MROH9: variants seen among roughly 807,000 people sequenced by gnomAD.
The protein encoded by MROH9 is maestro heat-like repeat-containing protein family member 9.
A neutral mutation model predicts 98.2 loss-of-function variants in MROH9; 92 were observed. The observed-to-expected ratio is 0.94, with a 90% confidence interval of 0.79 to 1.11. The LOEUF (loss-of-function observed/expected upper bound fraction) is 1.11, where lower values mean the gene tolerates loss of function less well. MROH9 is among the 50% of genes most tolerant of loss of function. The probability of loss-of-function intolerance (pLI) is 0.00; values close to 1 mark genes in which losing one functional copy is unlikely to be tolerated. For missense variants in MROH9, 1,057 were observed against 1,014.8 expected (o/e 1.04, Z -0.57); for synonymous variants, 397 against 368.9 (o/e 1.08, Z -0.87).
intron 17 of MROH9, among the ~76,000 whole-genome samples, chr1:171,023,984 A>G (rs972244613): frequency 6.6e-6 from 1 of 151,206 alleles, no homozygotes; most frequent in African/African-American, 2.4e-5. Context: ...TATTCCACAT[A>G]TAAGTGAGAT....
intron 20 of MROH9, among the ~76,000 whole-genome samples, chr1:171,049,814 A>G (rs1287616061): frequency 1.3e-5 from 2 of 151,890 alleles, no homozygotes; most frequent in Non-Finnish European, 2.9e-5. Context: ...CTAAGTAGCT[A>G]GGACTATAGG....
intron 1 of MROH9, among the ~76,000 whole-genome samples, chr1:170,944,879 G>T (rs1374550699): frequency 6.6e-6 from 1 of 152,004 alleles, no homozygotes. Context: ...ATGAAGATCT[G>T]AATATGATGT....
intron 1 of MROH9, among the ~76,000 whole-genome samples, chr1:170,943,414 G>A (rs1452599614): frequency 6.6e-6 from 1 of 151,802 alleles, no homozygotes; most frequent in African/African-American, 2.4e-5. Context: ...TAAAATATAA[G>A]CATAACTGAT....
intron 13 of MROH9, among the ~76,000 whole-genome samples, chr1:170,995,776 T>C (rs1651545322): frequency 1.3e-5 from 2 of 152,130 alleles, no homozygotes; most frequent in Non-Finnish European, 1.5e-5. Context: ...AGAACTCTGT[T>C]GATTCCTACC....
chr1:170,962,212 C>A (rs1650040523), intron 6 of MROH9, among the ~76,000 whole-genome samples: 1 of 152,088 alleles, frequency 6.6e-6, no homozygotes, highest in Non-Finnish European at 1.5e-5. Context: ...GAAACCAGGT[C>A]TCATGTGGTG....
At chr1:170,991,487 A>T (rs754437171) in intron 11 of MROH9, among the ~76,000 whole-genome samples, 1 of 152,164 alleles carries the variant, frequency 6.6e-6, no homozygotes, top group Non-Finnish European at 1.5e-5. Context: ...GTCAGAACCC[A>T]GTATGAATTG....
intron 6 of MROH9, among the ~76,000 whole-genome samples, chr1:170,962,939 CACCAAAAGCAGTTGCAAATGGG>C (rs1650074336): frequency 6.6e-6 from 1 of 151,894 alleles, no homozygotes; most frequent in Non-Finnish European, 1.5e-5. Context: ...GTGAAAAAGA[CACCAAAAGCAGTTGCAAATGGG>C]ACCAAAAGCA....
chr1:170,960,504 T>A (rs1649977499), intron 5 of MROH9, among the ~76,000 whole-genome samples: 1 of 152,244 alleles, frequency 6.6e-6, no homozygotes, highest in African/African-American at 2.4e-5. Flanking sequence ...TATCAGCTAC[T>A]CACACATGGA....
At chr1:170,952,485 C>T (rs897038599) in intron 3 of MROH9, among the ~76,000 whole-genome samples, 5 of 151,464 alleles carry the variant, frequency 3.3e-5, no homozygotes, top group Non-Finnish European at 7.4e-5. Context: ...TCATTCTCAG[C>T]AAACTATCGC....
At chr1:171,039,807 G>A (rs1051363326) in intron 20 of MROH9, among the ~76,000 whole-genome samples, 9 of 152,090 alleles carry the variant, frequency 5.9e-5, no homozygotes, top group Non-Finnish European at 1.0e-4. Flanking sequence ...CACTAATAAA[G>A]GACGTCCCAC....
Position 171,016,336 on chromosome 1 carries a change from T to C in MROH9, c.1908T>C (p.His636=), listed in dbSNP as rs1463319163. The C allele has an allele frequency of 1.3e-6, 2 of 1,495,444 alleles. No individual in the cohort carries two copies. The highest frequency in any genetic ancestry group is 1.4e-5 in the South Asian group (1 of 73,754). 92.6% of individuals were successfully genotyped at this position (1,495,444 alleles called of 1,614,324 possible). ...CCAGCTACTGTACTCTGATGGATCATGTGAGTTACACAGTTAGATATGTGA... is the reference window on the plus strand; with the variant it reads ...CCAGCTACTGTACTCTGATGGATCACGTGAGTTACACAGTTAGATATGTGA... The part of the protein sequence containing the change: ...IGSSYCTLMD[H]INGGIRSMAI... The change falls in exon 17 of 22, where the codon CAT becomes CAC. Residue 636 remains histidine, a splice_region_variant and synonymous_variant. Coordinates refer to ENST00000367759, the MANE Select transcript of MROH9 (RefSeq NM_001163629.2).
At chr1:170,938,911 T>C (rs1451385144) in intron 1 of MROH9, among the ~76,000 whole-genome samples, 3 of 152,218 alleles carry the variant, frequency 2.0e-5, no homozygotes, top group Admixed American at 6.5e-5. Context: ...AGGTTGTCCT[T>C]GACAAATAAA....
chr1:171,057,692 G>GA (rs1653889501), intron 20 of MROH9, among the ~76,000 whole-genome samples: 2 of 152,046 alleles, frequency 1.3e-5, no homozygotes, highest in African/African-American at 4.8e-5. Flanking sequence ...CAAAATAAGG[G>GA]AAAAAATGTT....
At chr1:171,039,439 C>T (rs1338272388) in intron 20 of MROH9, among the ~76,000 whole-genome samples, 1 of 152,140 alleles carries the variant, frequency 6.6e-6, no homozygotes, top group Non-Finnish European at 1.5e-5. Flanking sequence ...CATATCAGCT[C>T]CAAAATGTTT....
intron 17 of MROH9, among the ~76,000 whole-genome samples, chr1:171,023,744 TTG>T (rs1400929080): frequency 6.6e-6 from 1 of 152,162 alleles, no homozygotes; most frequent in African/African-American, 2.4e-5. Flanking sequence ...CATATCTTTT[TTG>T]TGTGTGTGGT....
chr1:171,031,628 G>C (rs923389664), intron 20 of MROH9, among the ~76,000 whole-genome samples: 2 of 152,116 alleles, frequency 1.3e-5, no homozygotes, highest in Admixed American at 6.5e-5. Context: ...GGCTTGTAGG[G>C]TTTCTGTTGA....
chr1:170,965,021 A>C (rs545208993), intron 6 of MROH9, 130 bp from the exon 7 acceptor site: 2 of 586,822 alleles, frequency 3.4e-6, no homozygotes, highest in East Asian at 5.6e-5. Context: ...TTTTGAGATA[A>C]ATGTAGGTTA....
At chr1:171,024,021 G>T (rs1652609025) in intron 17 of MROH9, among the ~76,000 whole-genome samples, 2 of 152,086 alleles carry the variant, frequency 1.3e-5, no homozygotes, top group African/African-American at 4.8e-5. Flanking sequence ...TTCTGTCCCT[G>T]ACTGATTTCA....
chr1:171,044,986 T>TGAGA (rs1334489091), intron 20 of MROH9, among the ~76,000 whole-genome samples: 2 of 19,498 alleles, frequency 1.0e-4, no homozygotes, highest in African/African-American at 4.6e-4. Context: ...TTTTTTTTTT[T>TGAGA]TTTTTTTTTT....
Sources: allele counts gnomAD v4.1 joint callset (sites outside exome capture counted in the v4.1 genomes callset), GRCh38; gene constraint gnomAD v4.1.1; transcripts MANE v1.5; gene names NCBI Gene and HGNC (gene_info 2026-07-23, HGNC 2026-07-21).